DOCK3: variants seen among roughly 807,000 people sequenced by gnomAD.
DOCK3 encodes the protein dedicator of cytokinesis 3, also known as dedicator of cytokinesis protein 3.
Under a neutral mutation model 265.6 loss-of-function variants are expected in DOCK3, and 60 were observed. The ratio of observed to expected loss-of-function variants is 0.23; its 90% confidence interval spans 0.18 to 0.28. The LOEUF is 0.28. Ranked by LOEUF, DOCK3 falls within the 10% of genes least tolerant of loss-of-function variation. The pLI, the probability that DOCK3 is intolerant of heterozygous loss-of-function variation, is 1.00. For synonymous variants in DOCK3, 881 were observed against 938.0 expected (o/e 0.94, Z 1.11); for missense variants, 1,981 against 2,594.3 (o/e 0.76, Z 5.14).
At chr3:50,885,521 G>C (rs2048281781) in intron 3 of DOCK3, among the ~76,000 whole-genome samples, 1 of 152,080 alleles carries the variant, frequency 6.6e-6, no homozygotes, top group Non-Finnish European at 1.5e-5. Context: ...ATTCGTACCA[G>C]CAATGAATGA....
At chr3:50,678,913 C>T (rs983306187) in intron 1 of DOCK3, among the ~76,000 whole-genome samples, 1 of 151,946 alleles carries the variant, frequency 6.6e-6, no homozygotes, top group Non-Finnish European at 1.5e-5. Context: ...AGGTTCATGC[C>T]ATTCTCCTGC....
intron 3 of DOCK3, among the ~76,000 whole-genome samples, chr3:50,842,679 A>C (rs946825914): frequency 1.2e-4 from 18 of 152,078 alleles, no homozygotes; most frequent in Non-Finnish European, 1.3e-4. Flanking sequence ...AGAGGACTTC[A>C]GACATTGCTG....
chr3:51,184,316 C>CG (rs1553782431), intron 12 of DOCK3, among the ~76,000 whole-genome samples: 138 of 137,952 alleles, frequency 1.0e-3, no homozygotes, highest in Non-Finnish European at 1.7e-3. Context: ...TGCTTTGAAA[C>CG]AAAAAAAAAA....
chr3:50,901,045 A>G (rs1575483134), intron 4 of DOCK3: 1 of 317,946 alleles, frequency 3.1e-6, no homozygotes. Context: ...GACAGGCTGG[A>G]ACATTTAAGT....
intron 14 of DOCK3, among the ~76,000 whole-genome samples, chr3:51,224,633 C>T (rs2090246974): frequency 6.6e-6 from 1 of 152,174 alleles, no homozygotes; most frequent in African/African-American, 2.4e-5. Context: ...CATTACCTCT[C>T]ATTTGGTTTC....
At chr3:50,817,814 C>A (rs552072931) in intron 2 of DOCK3, among the ~76,000 whole-genome samples, 34 of 151,958 alleles carry the variant, frequency 2.2e-4, no homozygotes, top group Admixed American at 5.9e-4. Context: ...GGCTGCTGAG[C>A]CTTAGTTTTG....
intron 27 of DOCK3, among the ~76,000 whole-genome samples, chr3:51,301,239 A>G (rs1408976011): frequency 1.3e-5 from 2 of 152,166 alleles, no homozygotes; most frequent in African/African-American, 4.8e-5. Flanking sequence ...CTGCAGGATC[A>G]GTGGTGATAT....
At chr3:51,176,373 T>C (rs2086952277) in intron 12 of DOCK3, among the ~76,000 whole-genome samples, 1 of 152,068 alleles carries the variant, frequency 6.6e-6, no homozygotes. Flanking sequence ...TCCTAGCACT[T>C]TGGGAGGCCG....
chr3:51,179,091 T>A (rs903290555), intron 12 of DOCK3, among the ~76,000 whole-genome samples: 15 of 152,134 alleles, frequency 9.9e-5, no homozygotes, highest in Non-Finnish European at 1.5e-5. Context: ...AGGTGTAGAG[T>A]ATTCCATCTC....
At chr3:50,880,300 G>C (rs1244410951) in intron 3 of DOCK3, among the ~76,000 whole-genome samples, 1 of 151,756 alleles carries the variant, frequency 6.6e-6, no homozygotes, top group Non-Finnish European at 1.5e-5. Context: ...AGGAGATAGA[G>C]ACACAAAAAA....
intron 9 of DOCK3, among the ~76,000 whole-genome samples, chr3:51,135,867 T>C (rs955490589): frequency 1.3e-5 from 2 of 152,064 alleles, no homozygotes; most frequent in African/African-American, 4.8e-5. Flanking sequence ...TATACCATCA[T>C]GTCCAGCTAA....
chr3:51,310,628 C>T (rs1187824741), intron 28 of DOCK3, among the ~76,000 whole-genome samples: 1 of 152,208 alleles, frequency 6.6e-6, no homozygotes, highest in African/African-American at 2.4e-5. Flanking sequence ...TATCCCAAGC[C>T]TTCTTCTCAG....
At chr3:50,916,326 C>T (rs1423354879) in intron 4 of DOCK3, among the ~76,000 whole-genome samples, 1 of 151,956 alleles carries the variant, frequency 6.6e-6, no homozygotes, top group Non-Finnish European at 1.5e-5. Flanking sequence ...CAATCTCACT[C>T]TGTTACCCAG....
At chr3:51,244,027 A>AG (rs2108541410) in intron 21 of DOCK3, among the ~76,000 whole-genome samples, 1 of 152,306 alleles carries the variant, frequency 6.6e-6, no homozygotes, top group East Asian at 1.9e-4. Context: ...CATATATGTG[A>AG]GGCTTTACTT....
chr3:51,114,231 G>T (rs1387060612), intron 9 of DOCK3, among the ~76,000 whole-genome samples: 1 of 152,176 alleles, frequency 6.6e-6, no homozygotes, highest in African/African-American at 2.4e-5. Context: ...AATAACCAAG[G>T]GGGAATATTT....
At chr3:50,820,332 C>T (rs1343039586) in intron 2 of DOCK3, among the ~76,000 whole-genome samples, 1 of 152,182 alleles carries the variant, frequency 6.6e-6, no homozygotes, top group Non-Finnish European at 1.5e-5. Context: ...GATCATGTAT[C>T]ATTTTTTATC....
At chr3:51,096,344 CT>C (rs951064697) in intron 9 of DOCK3, among the ~76,000 whole-genome samples, 10 of 149,112 alleles carry the variant, frequency 6.7e-5, no homozygotes, top group Non-Finnish European at 7.5e-5. Flanking sequence ...CTTTTCTTTT[CT>C]TTTTTTTTTC....
chr3:50,765,203 T>G (rs1195341052), intron 1 of DOCK3, among the ~76,000 whole-genome samples: 1 of 146,538 alleles, frequency 6.8e-6, no homozygotes, highest in Admixed American at 7.0e-5. Context: ...TGCCTCAGCC[T>G]CCCGAATAGC....
chr3:51,119,633 G>A (rs2083919689), intron 9 of DOCK3, among the ~76,000 whole-genome samples: 2 of 152,098 alleles, frequency 1.3e-5, no homozygotes, highest in Middle Eastern at 6.8e-3. Context: ...TTTTCACATA[G>A]TCCCATATTG....
Sources: allele counts gnomAD v4.1 joint callset (sites outside exome capture counted in the v4.1 genomes callset), GRCh38; gene constraint gnomAD v4.1.1; transcripts MANE v1.5; gene names NCBI Gene and HGNC (gene_info 2026-07-23, HGNC 2026-07-21).